The following IL1RAP variants were observed in gnomAD, a reference collection of about 807,000 sequenced individuals.
IL1RAP encodes the protein interleukin-1 receptor accessory protein.
A neutral mutation model predicts 60.7 loss-of-function variants in IL1RAP; 35 were observed. The observed-to-expected ratio is 0.58, with a 90% CI of 0.44 to 0.76. The LOEUF (loss-of-function observed/expected upper bound fraction) is 0.76. Among genes scored for constraint, IL1RAP ranks in the 30% least tolerant of loss-of-function variants. The pLI is 0.00. For synonymous variants in IL1RAP, 268 were observed against 250.9 expected, an observed-to-expected ratio of 1.07 and a Z score of -0.64; for missense variants, 572 against 693.9, an observed-to-expected ratio of 0.82 and a Z score of 1.97.
rs142042479 is a variant in IL1RAP, at chr3:190,534,988, A to C, written c.-89+20769A>C. Among the ~76,000 whole-genome samples, 826 of 152,168 alleles carry C rather than the reference A, an allele frequency of 5.4e-3. 4 individuals carry two copies. Among genetic ancestry groups the C allele is most frequent in the Middle Eastern group, 0.024 (7 of 294 alleles). ...TAGGAAAATGAGAGTCCTCTGTTTA[A>C]AATATGTCTCAGAGAGCCTTGGTAG... On this transcript the variant is annotated intron_variant, in intron 1 of 11. Coordinates refer to ENST00000447382, the MANE Select transcript of IL1RAP (RefSeq NM_002182.4).
intron 9 of IL1RAP, among the ~76,000 whole-genome samples, chr3:190,631,630 C>T (rs1185484825): frequency 1.3e-5 from 2 of 152,164 alleles, no homozygotes; most frequent in African/African-American, 4.8e-5. Context: ...AATTTATTAG[C>T]AAAGCATTAT....
intron 5 of IL1RAP, among the ~76,000 whole-genome samples, chr3:190,614,961 A>G (rs892244989): frequency 6.6e-6 from 1 of 152,220 alleles, no homozygotes; most frequent in Middle Eastern, 3.4e-3. Flanking sequence ...AGACAAACTG[A>G]GATTACAGGA....
At chr3:190,537,674 A>G (rs1353496780) in intron 1 of IL1RAP, among the ~76,000 whole-genome samples, 1 of 151,568 alleles carries the variant, frequency 6.6e-6, no homozygotes, top group Non-Finnish European at 1.5e-5. Flanking sequence ...AGTAATACAT[A>G]TCAAAATGTA....
At chr3:190,565,606 C>T (rs1408699555) in intron 3 of IL1RAP, among the ~76,000 whole-genome samples, 1 of 152,050 alleles carries the variant, frequency 6.6e-6, no homozygotes, top group East Asian at 1.9e-4. Flanking sequence ...CCTTGTTGGC[C>T]CTTTGGGGCT....
At chr3:190,561,652 G>A (rs180842404) in intron 2 of IL1RAP, among the ~76,000 whole-genome samples, 61 of 152,288 alleles carry the variant, frequency 4.0e-4, no homozygotes, top group South Asian at 8.3e-4. Context: ...TTGGGAGGGC[G>A]TATTGCTTTA....
chr3:190,548,860 C>T (rs1560159002), intron 1 of IL1RAP, among the ~76,000 whole-genome samples: 1 of 152,166 alleles, frequency 6.6e-6, no homozygotes, highest in Non-Finnish European at 1.5e-5. Context: ...TAAAAATCAT[C>T]TGTATCTTGT....
chr3:190,524,718 A>G (rs533184203), intron 1 of IL1RAP, among the ~76,000 whole-genome samples: 1 of 152,332 alleles, frequency 6.6e-6, no homozygotes, highest in South Asian at 2.1e-4. Context: ...GCAAATGGCC[A>G]ATAAGGAGGC....
At chr3:190,590,632 A>G (rs1264572102) in intron 3 of IL1RAP, among the ~76,000 whole-genome samples, 1 of 152,196 alleles carries the variant, frequency 6.6e-6, no homozygotes, top group East Asian at 1.9e-4. Flanking sequence ...GGACAAACCC[A>G]CATATCAGCT....
chr3:190,555,772 A>G (rs574496860), intron 1 of IL1RAP: 5 of 152,224 alleles, frequency 3.3e-5, no homozygotes. Flanking sequence ...TGTCCAGAGC[A>G]TGATACATAT....
chr3:190,615,822 C>CT (rs1434657378), intron 5 of IL1RAP, among the ~76,000 whole-genome samples: 23 of 152,150 alleles, frequency 1.5e-4, no homozygotes, highest in Admixed American at 9.2e-4. Flanking sequence ...GAAAACGTGC[C>CT]TGGCTTGGCC....
In IL1RAP at chr3:190,648,754, A is replaced by C; in HGVS notation, c.*49A>C. The C allele has an allele frequency of 6.4e-7, 1 of 1,551,998 alleles. No individual in the cohort carries two copies. Among genetic ancestry groups the C allele is most frequent in the Non-Finnish European group, 8.7e-7 (1 of 1,152,946 alleles). ...AGAACAAGGGGTGCTCCAGGAAGAA[A>C]GAGTCCCCCCAGTCTTCATTCGCAG... On this transcript the variant is annotated 3_prime_UTR_variant, in exon 12 of 12. Transcript: ENST00000447382.
At chr3:190,620,245 G>A in intron 5 of IL1RAP, 30 bp from the exon 6 acceptor site, 1 of 1,183,828 alleles carries the variant, frequency 8.4e-7, no homozygotes, top group Non-Finnish European at 1.1e-6. Flanking sequence ...TATCTAAAAA[G>A]TAAACTTTTT....
At chr3:190,580,499 A>G (rs1461769283) in intron 3 of IL1RAP, among the ~76,000 whole-genome samples, 1 of 152,226 alleles carries the variant, frequency 6.6e-6, no homozygotes, top group Non-Finnish European at 1.5e-5. Context: ...ATCCTGCCAT[A>G]TGCATAGACC....
intron 1 of IL1RAP, among the ~76,000 whole-genome samples, chr3:190,525,684 G>A (rs74478566): frequency 0.024 from 3,626 of 152,246 alleles, 131 homozygotes; most frequent in African/African-American, 0.08. Flanking sequence ...ATAGGCTCTC[G>A]TTCCCATTAG....
intron 9 of IL1RAP, among the ~76,000 whole-genome samples, chr3:190,638,106 T>C (rs1733369771): frequency 6.6e-6 from 1 of 152,170 alleles, no homozygotes; most frequent in Non-Finnish European, 1.5e-5. Flanking sequence ...CTGTGAACTT[T>C]CTTATCCAAG....
chr3:190,553,402 G>T (rs115645138), intron 1 of IL1RAP, among the ~76,000 whole-genome samples: 218 of 152,282 alleles, frequency 1.4e-3, no homozygotes, highest in African/African-American at 5.1e-3. Flanking sequence ...ACGCTTAAAA[G>T]TCAACTCCTG....
chr3:190,652,947 T>C (rs1012409932), downstream of IL1RAP, among the ~76,000 whole-genome samples: 7 of 152,180 alleles, frequency 4.6e-5, no homozygotes, highest in African/African-American at 1.7e-4. Flanking sequence ...TATATACTGA[T>C]GTCACTAGCT....
Position 190,629,510 on chromosome 3 carries a change from GGTCA to G in IL1RAP, c.1051+15_1051+18del. 6.2e-7 allele frequency: 1 copy of G among 1,600,754 alleles called. No individual in the cohort carries two copies. Among genetic ancestry groups the G allele is most frequent in the Admixed American group, 1.8e-5 (1 of 57,042 alleles). ...GGTGAAGCAGAAAGGTAATAGATGC[GGTCA>G]GTGATGAATCTCTCAGCTCCAAATT... On this transcript the variant is annotated intron_variant, in intron 9 of 11. Transcript: ENST00000447382.
intron 2 of IL1RAP, among the ~76,000 whole-genome samples, chr3:190,557,337 T>G (rs998539188): frequency 6.6e-6 from 1 of 152,208 alleles, no homozygotes; most frequent in Non-Finnish European, 1.5e-5. Flanking sequence ...CAGAGCATGT[T>G]GCTATTCAAA....
Sources: gnomAD v4.1 joint callset for allele counts (sites outside exome capture counted in the v4.1 genomes callset) on GRCh38, gnomAD v4.1.1 for gene constraint, MANE v1.5 for transcripts, NCBI Gene and HGNC (gene_info 2026-07-23, HGNC 2026-07-21) for gene names.